JPH2: variants seen among roughly 807,000 people sequenced by gnomAD.
The protein encoded by JPH2 is junctophilin 2.
In JPH2, 38 loss-of-function variants were observed where a neutral mutation model predicts 55.9. The observed-to-expected ratio is 0.68, with a 90% CI of 0.52 to 0.89. The LOEUF is 0.89. JPH2 is among the 40% of genes least tolerant of loss of function. The pLI, the probability that JPH2 is intolerant of heterozygous loss-of-function variation, is 0.00. For synonymous variants in JPH2, 480 were observed against 472.4 expected (o/e 1.02, Z -0.21); for missense variants, 964 against 1,037.6 (o/e 0.93, Z 0.97).
intron 2 of JPH2, among the ~76,000 whole-genome samples, chr20:44,137,189 G>A (rs1361994840): frequency 6.6e-6 from 1 of 152,150 alleles, no homozygotes; most frequent in African/African-American, 2.4e-5. Flanking sequence ...CCCACCCTGG[G>A]GCTCGCCTGC....
intron 2 of JPH2, among the ~76,000 whole-genome samples, chr20:44,121,934 C>G (rs935064930): frequency 6.6e-6 from 1 of 152,086 alleles, no homozygotes; most frequent in African/African-American, 2.4e-5. Flanking sequence ...GAGATCGAGG[C>G]TGCAGTGAGC....
chr20:44,152,150 G>A (rs1248532424), intron 2 of JPH2, among the ~76,000 whole-genome samples: 1 of 152,242 alleles, frequency 6.6e-6, no homozygotes. Flanking sequence ...CCTGGCACAA[G>A]CCTGGCACAG....
intron 2 of JPH2, among the ~76,000 whole-genome samples, chr20:44,146,233 C>A (rs1325816256): frequency 6.6e-6 from 1 of 152,058 alleles, no homozygotes; most frequent in African/African-American, 2.4e-5. Flanking sequence ...CAGGGTTTCA[C>A]CGTGTTAGCC....
intron 2 of JPH2, among the ~76,000 whole-genome samples, chr20:44,124,587 G>A (rs1275862790): frequency 6.6e-6 from 1 of 151,838 alleles, no homozygotes; most frequent in Non-Finnish European, 1.5e-5. Context: ...GCTGAGGCAG[G>A]AGGATCACTT....
In JPH2 at chr20:44,160,863, C is replaced by T. The variant is rs1265972678; in HGVS notation, c.380-456G>A. Among the ~76,000 whole-genome samples, 2 of 152,138 alleles carry T rather than the reference C, an allele frequency of 1.3e-5. No individual in the cohort carries two copies. The highest frequency in any genetic ancestry group is 2.9e-5 in the Non-Finnish European group (2 of 68,030). Reference sequence around the variant, plus strand: ...CTTGGGAAGGTGGAGGCGGATGGATCGCTTGAGCTCAGGAGTTCAAGACCA... The same window carrying T: ...CTTGGGAAGGTGGAGGCGGATGGATTGCTTGAGCTCAGGAGTTCAAGACCA... On this transcript the variant is annotated intron_variant, in intron 1 of 5. Transcript: ENST00000372980. This position sits in a 1 kb window ranked among gnomAD's most constrained non-coding sequence, Gnocchi z 4.9.
chr20:44,184,387 A>G (rs984514405), intron 1 of JPH2, among the ~76,000 whole-genome samples: 1 of 152,120 alleles, frequency 6.6e-6, no homozygotes, highest in African/African-American at 2.4e-5. Context: ...GCCCTAATTT[A>G]AAGCAACTTT....
At position 44,186,333 on chromosome 20, in the gene JPH2, C is replaced by T. The variant is rs372627882; in HGVS notation, c.373G>A (p.Asp125Asn). Residue 125 changes from aspartate (D) to asparagine (N), a missense_variant, in exon 1 of 6, where the codon GAT becomes AAT. Asp to Asn is a conservative substitution (Grantham distance 23). Transcript: ENST00000372980. ...GGCCCCCAGCTGGCCTCACCTCCAT[C>T]AGCATAGGTCTCGGTGCCATAGCCG... ...QDGYGTETYA[D>N]GGTYQGQFTN... 2 of 1,611,170 alleles carry T rather than the reference C, an allele frequency of 1.2e-6. No homozygotes were observed. Among genetic ancestry groups the T allele is most frequent in the Non-Finnish European group, 1.7e-6 (2 of 1,179,812 alleles).
At chr20:44,158,797 ATGT>A (rs1484790168) in intron 2 of JPH2, among the ~76,000 whole-genome samples, 1 of 151,992 alleles carries the variant, frequency 6.6e-6, no homozygotes, top group African/African-American at 2.4e-5. Flanking sequence ...GTGGGAGTGG[ATGT>A]TGTTTTAATG....
At chr20:44,140,952 A>G (rs55959881) in intron 2 of JPH2, among the ~76,000 whole-genome samples, 60,382 of 152,016 alleles carry the variant, frequency 0.4, 12,838 homozygotes, top group African/African-American at 0.52. Flanking sequence ...AGTGTTATCT[A>G]ACCCCAAAGC....
In JPH2 at chr20:44,186,799, A is replaced by G; in HGVS notation, c.-94T>C. 7.7e-7 allele frequency: 1 copy of G among 1,305,250 alleles called. No individual in the cohort carries two copies. Among genetic ancestry groups the G allele is most frequent in the Admixed American group, 1.7e-5 (1 of 58,706 alleles). 80.9% of individuals were successfully genotyped at this position (1,305,250 alleles called of 1,614,324 possible). ...ACACTCCTCCAGTGCCCTCGGGGGC[A>G]GGCCCCCAGACTCACCACTGCACCC... On this transcript the variant is annotated 5_prime_UTR_variant, in exon 1 of 6. Transcript: ENST00000372980.
At chr20:44,134,321 A>ATTTAT (rs1555855711) in intron 2 of JPH2, among the ~76,000 whole-genome samples, 1 of 848 alleles carries the variant, frequency 1.2e-3, no homozygotes, top group South Asian at 0.12. Context: ...TATTATAAAT[A>ATTTAT]TATAATAAAT....
At position 44,107,710 on chromosome 20, in the gene JPH2, G is replaced by A. The variant is rs2072116597; in HGVS notation, c.*5808C>T. Among the ~76,000 whole-genome samples, 1 of 152,156 alleles carries A rather than the reference G, an allele frequency of 6.6e-6. No individual in the cohort carries two copies. Among genetic ancestry groups the A allele is most frequent in the African/African-American group, 2.4e-5 (1 of 41,444 alleles). On this transcript the variant is annotated 3_prime_UTR_variant, in exon 6 of 6. Coordinates refer to ENST00000372980, the MANE Select transcript of JPH2 (RefSeq NM_020433.5). ...CTCAGCCAAGCTTACACTAACTAATGCATGGATATAGAGATGAATCACAGA... is the reference window on the plus strand; with the variant it reads ...CTCAGCCAAGCTTACACTAACTAATACATGGATATAGAGATGAATCACAGA...
In JPH2 at chr20:44,186,562, C is replaced by T. The variant is rs2072846398; in HGVS notation, c.144G>A (p.Val48=). ...YSGSWNFGFE[V]AGVYTWPSGN... is the part of the protein sequence containing the mutation. ...CGCTGGGCCAGGTGTAGACACCTGCCACCTCAAAGCCAAAGTTCCAGGAGC... is the reference window on the plus strand; with the variant it reads ...CGCTGGGCCAGGTGTAGACACCTGCTACCTCAAAGCCAAAGTTCCAGGAGC... The change falls in exon 1 of 6, where the codon GTG becomes GTA. Residue 48 remains valine (V), a synonymous_variant. Transcript: ENST00000372980. 3 of 1,613,770 alleles carry T rather than the reference C, an allele frequency of 1.9e-6. No homozygotes were observed. The highest frequency in any genetic ancestry group is 1.7e-6 in the Non-Finnish European group (2 of 1,179,738).
intron 1 of JPH2, chr20:44,177,626 G>A (rs894671084): frequency 8.4e-7 from 1 of 1,187,930 alleles, no homozygotes; most frequent in Non-Finnish European, 1.1e-6. Context: ...ACTGGGACAT[G>A]AGATTTCCAA....
intron 1 of JPH2, among the ~76,000 whole-genome samples, chr20:44,162,424 G>A (rs1442200712): frequency 6.6e-6 from 1 of 152,114 alleles, no homozygotes; most frequent in Non-Finnish European, 1.5e-5. Context: ...GATCCTGGGT[G>A]TATCTGTGAG....
intron 2 of JPH2, among the ~76,000 whole-genome samples, chr20:44,121,220 G>A (rs2072233915): frequency 1.3e-5 from 2 of 152,154 alleles, no homozygotes; most frequent in Non-Finnish European, 2.9e-5. Flanking sequence ...GCGGGTCAAT[G>A]AGCCAGGTAG....
chr20:44,134,210 T>TTTATTATAAATATATAA (rs1569193252), intron 2 of JPH2, among the ~76,000 whole-genome samples: 3 of 23,220 alleles, frequency 1.3e-4, no homozygotes, highest in East Asian at 1.2e-3. Flanking sequence ...TATATAAATA[T>TTTATTATAAATATATAA]ATATTTATTA....
intron 2 of JPH2, among the ~76,000 whole-genome samples, chr20:44,153,578 G>A (rs1040479909): frequency 6.6e-6 from 1 of 152,206 alleles, no homozygotes; most frequent in Non-Finnish European, 1.5e-5. Context: ...ACAGACAGAT[G>A]CCACCCTGGT....
At chr20:44,181,814 C>T (rs1253653335) in intron 1 of JPH2, among the ~76,000 whole-genome samples, 8 of 152,206 alleles carry the variant, frequency 5.3e-5, no homozygotes, top group Admixed American at 5.2e-4. Context: ...CAGCTGCCCA[C>T]TCTGGCTTTG....
Sources: allele counts gnomAD v4.1 joint callset (sites outside exome capture counted in the v4.1 genomes callset), GRCh38; gene constraint gnomAD v4.1.1; non-coding constraint Gnocchi (gnomAD v3.1); transcripts MANE v1.5; gene names NCBI Gene and HGNC (gene_info 2026-07-23, HGNC 2026-07-21).